Variants in BRDT observed in about 807,000 individuals in gnomAD.
BRDT encodes bromodomain testis-specific protein.
A neutral mutation model predicts 113.9 loss-of-function variants in BRDT; 77 were observed. The ratio of observed to expected loss-of-function variants is 0.68; its 90% CI spans 0.56 to 0.82. The LOEUF (loss-of-function observed/expected upper bound fraction) is 0.82. BRDT is among the 40% of genes least tolerant of loss of function. The pLI is 0.00. For synonymous variants in BRDT, 358 were observed against 366.5 expected, an observed-to-expected ratio of 0.98 and a Z score of 0.26; for missense variants, 1,027 against 1,105.4, an observed-to-expected ratio of 0.93 and a Z score of 1.01.
At chr1:91,949,934 T>G (rs1430030953) in intron 1 of BRDT, 2 of 150,918 alleles carry the variant, frequency 1.3e-5, no homozygotes, top group Admixed American at 6.6e-5. Context: ...CTGCCTGTAC[T>G]GTAATTTTGG....
At chr1:91,994,623 T>C (rs1570601803) in intron 15 of BRDT, among the ~76,000 whole-genome samples, 1 of 151,864 alleles carries the variant, frequency 6.6e-6, no homozygotes, top group African/African-American at 2.4e-5. Context: ...TCCCAGCACT[T>C]TGGGAGGCCG....
At chr1:91,954,049 G>A (rs1239094013) in intron 1 of BRDT, among the ~76,000 whole-genome samples, 1 of 151,832 alleles carries the variant, frequency 6.6e-6, no homozygotes, top group African/African-American at 2.4e-5. Context: ...TCAGCTCACT[G>A]CAACCTCCCC....
chr1:91,979,418 T>C lies in BRDT; in HGVS notation c.1099-151T>C, dbSNP rs1684506167. 5.3e-6 allele frequency: 4 copies of C among 758,164 alleles called. No individual in the cohort carries two copies. The East Asian group carries it at 8.2e-5, about 16-fold the overall frequency. 47.0% of individuals were successfully genotyped at this position (758,164 alleles called of 1,614,324 possible). On this transcript the variant is annotated intron_variant, in intron 7 of 18. Coordinates refer to ENST00000399546, the MANE Select transcript of BRDT (RefSeq NM_207189.4). ...CATGATCCATGGCGCCTGGCCAGCA[T>C]GAGTCTTAATACGTTTCTTCTGATA... is the stretch of plus-strand genomic sequence containing the variant.
rs774060564 is a variant in BRDT, at chr1:91,980,749, A to G, written c.1394A>G (p.Asn465Ser). 1.9e-6 allele frequency: 3 copies of G among 1,607,384 alleles called. No homozygotes were observed. The highest frequency in any genetic ancestry group is 2.3e-5 in the South Asian group (2 of 88,658). Residue 465 changes from asparagine to serine, a missense_variant, in exon 9 of 19, where the codon AAT (asparagine) becomes AGT (serine). Transcript: ENST00000399546. ...AAGGAAAAGAAAAAAGAAAAGGTTA[A>G]TAACAGCAATGAAAATCCAAGAAAA... ...SKKEKKKEKV[N>S]NSNENPRKMC...
chr1:91,950,170 C>CG (rs1680894929), intron 1 of BRDT: 2 of 152,156 alleles, frequency 1.3e-5, no homozygotes, highest in Non-Finnish European at 2.9e-5. Context: ...TAGAGGAGGC[C>CG]GGGTGCAGTG....
In BRDT at chr1:91,954,566, C is replaced by T. The variant is rs556621797; in HGVS notation, c.-38+4884C>T. On this transcript the variant is annotated intron_variant, in intron 1 of 18. Coordinates refer to ENST00000399546, the MANE Select transcript of BRDT (RefSeq NM_207189.4). The stretch of plus-strand genomic sequence containing the variant: ...AAGTGTTGGGTTTACAGACATGAGC[C>T]ACCGTGTATGACCCATCTTTCTAGA... Among the ~76,000 whole-genome samples, 47 of 152,204 alleles carry T rather than the reference C, an allele frequency of 3.1e-4. 1 individual carries two copies. In the South Asian group the frequency reaches 6.2e-3, roughly 20 times the overall value.
At chr1:92,004,912 C>G (rs1687166304) in intron 17 of BRDT, among the ~76,000 whole-genome samples, 1 of 152,062 alleles carries the variant, frequency 6.6e-6, no homozygotes, top group Admixed American at 6.6e-5. Flanking sequence ...AGTGGTTCAT[C>G]TTGGCCACAG....
chr1:92,001,513 T>G (rs1402463948), intron 15 of BRDT, among the ~76,000 whole-genome samples: 1 of 152,034 alleles, frequency 6.6e-6, no homozygotes, highest in African/African-American at 2.4e-5. Flanking sequence ...CTGGCCAACA[T>G]GGTAAAACCC....
chr1:91,970,592 T>C (rs1683528274), intron 4 of BRDT, among the ~76,000 whole-genome samples: 1 of 152,238 alleles, frequency 6.6e-6, no homozygotes, highest in Non-Finnish European at 1.5e-5. Context: ...ATACGTGATG[T>C]GTGCTAGTAC....
chr1:91,970,910 CAAAA>C (rs56365341), intron 4 of BRDT, among the ~76,000 whole-genome samples: 26 of 113,902 alleles, frequency 2.3e-4, no homozygotes, highest in Non-Finnish European at 2.6e-4. Flanking sequence ...GACCCTTTCT[CAAAA>C]AAAAAAAAAA....
intron 15 of BRDT, among the ~76,000 whole-genome samples, chr1:91,994,818 A>G (rs1686132333): frequency 7.6e-6 from 1 of 131,944 alleles, no homozygotes; most frequent in African/African-American, 2.8e-5. Context: ...CAGTGAGCCG[A>G]GATCCCGCCA....
At chr1:92,005,847 A>G (rs1687248875) in intron 18 of BRDT, among the ~76,000 whole-genome samples, 1 of 152,246 alleles carries the variant, frequency 6.6e-6, no homozygotes, top group South Asian at 2.1e-4. Context: ...TAAACCACCT[A>G]TGAATTGTGG....
intron 1 of BRDT, among the ~76,000 whole-genome samples, chr1:91,954,544 T>C (rs1681515860): frequency 6.6e-6 from 1 of 152,150 alleles, no homozygotes; most frequent in African/African-American, 2.4e-5. Flanking sequence ...CCTCTCAAAG[T>C]GTTGGGTTTA....
chr1:91,955,736 T>C (rs116400545), intron 1 of BRDT, among the ~76,000 whole-genome samples: 134 of 152,340 alleles, frequency 8.8e-4, no homozygotes, highest in Middle Eastern at 3.4e-3. Context: ...TTTTTAGTCA[T>C]ATATTGCTGG....
rs753542336 is a variant in BRDT, at chr1:91,978,266, C to T, written c.1068C>T (p.His356=). 7 of 1,613,926 alleles carry T rather than the reference C, an allele frequency of 4.3e-6. No individual in the cohort carries two copies. The Admixed American group carries it at 5.0e-5, about 12-fold the overall frequency. Residue 356 remains histidine (H), a synonymous_variant, in exon 7 of 19, where the codon CAC becomes CAT. Transcript: ENST00000399546. Reference sequence around the variant, plus strand: ...GCTACAAGTACAATCCTCCAGATCACGAAGTTGTGACAATGGCAAGAATGC... The same window carrying T: ...GCTACAAGTACAATCCTCCAGATCATGAAGTTGTGACAATGGCAAGAATGC... ...MNCYKYNPPD[H]EVVTMARMLQ...
chr1:91,990,914 C>G (rs934446433), intron 12 of BRDT, among the ~76,000 whole-genome samples: 2 of 152,202 alleles, frequency 1.3e-5, no homozygotes, highest in African/African-American at 4.8e-5. Flanking sequence ...TCTCCTGCCT[C>G]AGCCTCCTGA....
At chr1:92,008,261 CT>C (rs1295406635) in intron 18 of BRDT, among the ~76,000 whole-genome samples, 2 of 152,156 alleles carry the variant, frequency 1.3e-5, no homozygotes, top group Non-Finnish European at 2.9e-5. Flanking sequence ...TGTAATTTTC[CT>C]TTTGCATAAA....
intron 16 of BRDT, among the ~76,000 whole-genome samples, chr1:92,002,474 A>G (rs1260802631): frequency 1.3e-5 from 2 of 151,822 alleles, no homozygotes; most frequent in African/African-American, 4.8e-5. Context: ...AGCGATTCTC[A>G]TGCCTCAGCC....
At chr1:91,984,413 T>C (rs1339337116) in intron 12 of BRDT, among the ~76,000 whole-genome samples, 1 of 152,116 alleles carries the variant, frequency 6.6e-6, no homozygotes, top group East Asian at 1.9e-4. Flanking sequence ...ATATCTACTA[T>C]AAAAATAAAG....
Sources: allele counts gnomAD v4.1 joint callset (sites outside exome capture counted in the v4.1 genomes callset), GRCh38; gene constraint gnomAD v4.1.1; transcripts MANE v1.5; gene names NCBI Gene and HGNC (gene_info 2026-07-23, HGNC 2026-07-21).